Variants in THSD7A observed in about 807,000 individuals in gnomAD.
THSD7A encodes thrombospondin type 1 domain containing 7A, also known as thrombospondin type-1 domain-containing protein 7A.
Under a neutral mutation model 231.3 loss-of-function variants are expected in THSD7A, and 96 were observed. The ratio of observed to expected loss-of-function variants is 0.41; its 90% confidence interval spans 0.35 to 0.49. The LOEUF is 0.49. Among genes scored for constraint, THSD7A ranks in the 20% least tolerant of loss-of-function variants. THSD7A has a pLI of 0.05. For synonymous variants in THSD7A, 940 were observed against 743.3 expected, an observed-to-expected ratio of 1.26 and a Z score of -4.30; for missense variants, 2,290 against 2,070.2, an observed-to-expected ratio of 1.11 and a Z score of -2.06.
chr7:11,523,719 G>T (rs1417100069), intron 6 of THSD7A, among the ~76,000 whole-genome samples: 3 of 151,890 alleles, frequency 2.0e-5, no homozygotes, highest in African/African-American at 7.3e-5. Flanking sequence ...TTGACAGGAA[G>T]ATTAAAAAAA....
In THSD7A at chr7:11,831,817, C is replaced by A; in HGVS notation, c.130G>T (p.Ala44Ser). 6.9e-7 allele frequency: 1 copy of A among 1,447,292 alleles called. No homozygotes were observed. 89.7% of individuals were successfully genotyped at this position (1,447,292 alleles called of 1,614,324 possible). A position where few individuals can be genotyped will look rare whatever the true frequency, so the allele number is the denominator to read the frequency against. Residue 44 changes from alanine to serine, a missense_variant, in exon 1 of 28, where the codon GCC becomes TCC. Physicochemically the swap from Ala to Ser is moderately conservative, Grantham distance 99 (BLOSUM62 1). Coordinates refer to ENST00000423059, the MANE Select transcript of THSD7A (RefSeq NM_015204.3). This position sits in a 1 kb window ranked among gnomAD's most constrained non-coding sequence, Gnocchi z 5.0. ...TCGCCCTGCGCCGCAGCCCTGCCGG[C>A]GCCCGGGCGTAGCAGCAGCAGCAGG... The part of the protein sequence containing the change: ...LLLLLLLRPG[A>S]GRAAAQGEAE...
intron 1 of THSD7A, among the ~76,000 whole-genome samples, chr7:11,791,297 T>A (rs1783945835): frequency 6.6e-6 from 1 of 151,962 alleles, no homozygotes; most frequent in African/African-American, 2.4e-5. Context: ...CTTCATCCAA[T>A]TTACTTGGCA....
At chr7:11,498,240 A>G (rs1292724189) in intron 6 of THSD7A, among the ~76,000 whole-genome samples, 1 of 152,188 alleles carries the variant, frequency 6.6e-6, no homozygotes, top group East Asian at 1.9e-4. Context: ...CCTAAGAAGG[A>G]GCTCTCAGAG....
At chr7:11,383,279 A>T (rs1782596637) in intron 23 of THSD7A, among the ~76,000 whole-genome samples, 1 of 152,066 alleles carries the variant, frequency 6.6e-6, no homozygotes, top group African/African-American at 2.4e-5. Flanking sequence ...CTTCTAAGTG[A>T]TTTTAAAAAA....
chr7:11,439,351 C>G (rs1377745769), intron 13 of THSD7A, among the ~76,000 whole-genome samples: 1 of 151,994 alleles, frequency 6.6e-6, no homozygotes, highest in African/African-American at 2.4e-5. Flanking sequence ...TTGCATTGAG[C>G]AAATCTATCG....
At chr7:11,669,890 G>C (rs1783306342) in intron 1 of THSD7A, among the ~76,000 whole-genome samples, 1 of 151,906 alleles carries the variant, frequency 6.6e-6, no homozygotes, top group Non-Finnish European at 1.5e-5. Flanking sequence ...GAGCTTTGTT[G>C]CCTCACTGAA....
chr7:11,426,262 TA>T (rs1784318926), intron 15 of THSD7A, among the ~76,000 whole-genome samples: 1 of 152,170 alleles, frequency 6.6e-6, no homozygotes, highest in African/African-American at 2.4e-5. Context: ...GCTTTTATTT[TA>T]AACTCCTGTA....
chr7:11,510,983 G>A (rs1328297831), intron 6 of THSD7A, among the ~76,000 whole-genome samples: 1 of 146,128 alleles, frequency 6.8e-6, no homozygotes, highest in African/African-American at 2.5e-5. Context: ...AGGAAAAGAG[G>A]AAGTCAATTG....
At chr7:11,483,889 T>C (rs923571116) in intron 6 of THSD7A, among the ~76,000 whole-genome samples, 12 of 152,230 alleles carry the variant, frequency 7.9e-5, no homozygotes, top group Admixed American at 3.9e-4. Flanking sequence ...CAGACTTTGC[T>C]ACAAGGGTGC....
At chr7:11,459,001 G>A (rs760620050) in intron 11 of THSD7A, among the ~76,000 whole-genome samples, 78 of 152,084 alleles carry the variant, frequency 5.1e-4, no homozygotes, top group Non-Finnish European at 1.0e-3. Flanking sequence ...CAGCTTATAC[G>A]TCATTGTTTG....
At chr7:11,768,133 C>A (rs561384921) in intron 1 of THSD7A, among the ~76,000 whole-genome samples, 3 of 152,174 alleles carry the variant, frequency 2.0e-5, no homozygotes, top group African/African-American at 4.8e-5. Flanking sequence ...AATAAGAAGA[C>A]CATACTTGGC....
chr7:11,804,177 C>T (rs1413841668), intron 1 of THSD7A, among the ~76,000 whole-genome samples: 1 of 151,968 alleles, frequency 6.6e-6, no homozygotes, highest in African/African-American at 2.4e-5. Flanking sequence ...AATTTTTTGT[C>T]ATTATCACTC....
At chr7:11,715,561 C>A (rs1781109114) in intron 1 of THSD7A, among the ~76,000 whole-genome samples, 1 of 151,360 alleles carries the variant, frequency 6.6e-6, no homozygotes, top group South Asian at 2.1e-4. Context: ...TTCTTTCTGT[C>A]TCTCAAAGCA....
chr7:11,481,265 A>G (rs1786410579), intron 7 of THSD7A, among the ~76,000 whole-genome samples: 1 of 152,182 alleles, frequency 6.6e-6, no homozygotes, highest in African/African-American at 2.4e-5. Context: ...CAAAATTTAC[A>G]TATGAGATTT....
At chr7:11,593,185 T>C in intron 3 of THSD7A, 69 bp downstream of exon 3, 8 of 1,569,882 alleles carry the variant, frequency 5.1e-6, no homozygotes, top group Non-Finnish European at 6.9e-6. Context: ...TAGAGTACTG[T>C]TCAGTCAAAA....
chr7:11,676,736 A>T lies in THSD7A; in HGVS notation c.191-39775T>A, dbSNP rs555635026. 6.6e-5 allele frequency among the ~76,000 whole-genome samples: 10 copies of T among 152,280 alleles called. 1 individual carries two copies. Among genetic ancestry groups the T allele is most frequent in the African/African-American group, 2.4e-4 (10 of 41,558 alleles). On this transcript the variant is annotated intron_variant, in intron 1 of 27. Coordinates refer to ENST00000423059, the MANE Select transcript of THSD7A (RefSeq NM_015204.3). ...ATTAGAGAGAAAAGAATGAAAAGGA[A>T]CAAACAAAGCCTCCAAGAAATGTTG...
intron 4 of THSD7A, among the ~76,000 whole-genome samples, chr7:11,549,218 C>T (rs895641875): frequency 6.6e-6 from 1 of 152,076 alleles, no homozygotes; most frequent in Non-Finnish European, 1.5e-5. Flanking sequence ...GTCAGAATGG[C>T]TATTACTAAA....
chr7:11,697,498 G>C lies in THSD7A; in HGVS notation c.191-60537C>G, dbSNP rs140907820. Among the ~76,000 whole-genome samples the C allele has an allele frequency of 3.9e-3, 591 of 151,222 alleles. 4 individuals carry two copies. Among genetic ancestry groups the C allele is most frequent in the Middle Eastern group, 0.02 (6 of 294 alleles). ...AGTATTTTGTATGATATTTAATATG[G>C]AGTAAATATTTCTTGAATGAGTATC... On this transcript the variant is annotated intron_variant, in intron 1 of 27. Coordinates refer to ENST00000423059, the MANE Select transcript of THSD7A (RefSeq NM_015204.3).
At chr7:11,390,431 G>C (rs146927950) in intron 23 of THSD7A, among the ~76,000 whole-genome samples, 78 of 152,198 alleles carry the variant, frequency 5.1e-4, no homozygotes, top group African/African-American at 1.7e-3. Flanking sequence ...CGAAATTTTT[G>C]AGCTGTGTTT....
Sources: allele counts gnomAD v4.1 joint callset (sites outside exome capture counted in the v4.1 genomes callset), GRCh38; gene constraint gnomAD v4.1.1; non-coding constraint Gnocchi (gnomAD v3.1); transcripts MANE v1.5; gene names NCBI Gene and HGNC (gene_info 2026-07-23, HGNC 2026-07-21).